The following CFLAR variants were observed in gnomAD, a reference collection of about 807,000 sequenced individuals.
CFLAR encodes the protein CASP8 and FADD-like apoptosis regulator.
CFLAR carries 14 observed loss-of-function variants against 51.1 expected under a neutral mutation model. The observed-to-expected ratio is 0.27, with a 90% CI of 0.18 to 0.43. The LOEUF (loss-of-function observed/expected upper bound fraction) is 0.43, where lower values mean the gene tolerates loss of function less well. CFLAR is among the 20% of genes least tolerant of loss of function. The pLI, the probability that CFLAR is intolerant of heterozygous loss-of-function variation, is 1.00. For missense variants in CFLAR, 390 were observed against 566.5 expected (o/e 0.69, Z 3.16); for synonymous variants, 210 against 211.6 (o/e 0.99, Z 0.06).
At chr2:201,146,848 T>G (rs1311473102) in intron 6 of CFLAR, 1 of 152,250 alleles carries the variant, frequency 6.6e-6, no homozygotes, top group Non-Finnish European at 1.5e-5. Flanking sequence ...TCAGTCTTTG[T>G]GCTATCTGCA....
chr2:201,160,697 G>A lies in CFLAR; in HGVS notation c.1059G>A (p.Lys353=), dbSNP rs1392605982. 1 of 1,614,032 alleles carries A rather than the reference G, an allele frequency of 6.2e-7. No individual in the cohort carries two copies. The highest frequency in any genetic ancestry group is 2.2e-5 in the East Asian group (1 of 44,892). The change falls in exon 9 of 10, where the codon AAG becomes AAA. Residue 353 remains lysine, a synonymous_variant. Coordinates refer to ENST00000309955, the MANE Select transcript of CFLAR (RefSeq NM_003879.7). ...DSCPYLAGKP[K]MFFIQNYVVS... is the part of the protein sequence containing the mutation. ...GCCCTTATCTAGCAGGGAAGCCAAA[G>A]ATGTTTTTTATTCAGAACTATGTGG...
chr2:201,137,867 G>C, intron 4 of CFLAR: 1 of 834,398 alleles, frequency 1.2e-6, no homozygotes, highest in Non-Finnish European at 2.1e-6. Flanking sequence ...AGAAGCACTC[G>C]CCGGGGGCCT....
At chr2:201,130,175 G>T (rs773618778) in intron 2 of CFLAR, 29 bp downstream of exon 2, 2 of 1,387,850 alleles carry the variant, frequency 1.4e-6, no homozygotes, top group Middle Eastern at 2.7e-4. Context: ...CTGAGGCTGG[G>T]TGGGTGGGAG....
intron 8 of CFLAR, among the ~76,000 whole-genome samples, chr2:201,151,543 G>A (rs1941281746): frequency 6.9e-6 from 1 of 145,798 alleles, no homozygotes; most frequent in African/African-American, 2.7e-5. Context: ...TTGGTTAGAT[G>A]TGAGAAAGAT....
intron 1 of CFLAR, among the ~76,000 whole-genome samples, chr2:201,123,809 C>T (rs1358723500): frequency 6.6e-6 from 1 of 152,192 alleles, no homozygotes; most frequent in Non-Finnish European, 1.5e-5. Flanking sequence ...CACAAAACTT[C>T]TGTGAGATGG....
At position 201,166,239 on chromosome 2, in the gene CFLAR, G is replaced by A. The variant is rs1943543161; in HGVS notation, c.*2266G>A. 2 of 142,284 alleles carry A rather than the reference G, an allele frequency of 1.4e-5. No individual in the cohort carries two copies. The highest frequency in any genetic ancestry group is 1.9e-4 in the East Asian group (1 of 5,316). 8.8% of individuals were successfully genotyped at this position (142,284 alleles called of 1,614,324 possible). A position where few individuals can be genotyped will look rare whatever the true frequency, so the allele number is the denominator to read the frequency against. On this transcript the variant is annotated 3_prime_UTR_variant, in exon 10 of 10. Coordinates refer to ENST00000309955, the MANE Select transcript of CFLAR (RefSeq NM_003879.7). ...GACCCCCCACCTCCCTCCCCGACGG[G>A]GCGGCTGGCCGGGCGGGGGCTGACC...
rs1468372497 is a variant in CFLAR at position 201,173,655 on chromosome 2, C to T, written c.*9682C>T. 1 of 139,446 alleles carries T rather than the reference C, an allele frequency of 7.2e-6. No homozygotes were observed. The highest frequency in any genetic ancestry group is 1.5e-5 in the Non-Finnish European group (1 of 67,828). 8.6% of individuals were successfully genotyped at this position (139,446 alleles called of 1,614,324 possible). A position where few individuals can be genotyped will look rare whatever the true frequency, so the allele number is the denominator to read the frequency against. On this transcript the variant is annotated 3_prime_UTR_variant, in exon 10 of 10. Coordinates refer to ENST00000309955, the MANE Select transcript of CFLAR (RefSeq NM_003879.7). ...CTGTGCCTGGCCTCAAGTCCTTTCT[C>T]ATTTTAAAACTGCGTTATTTTATTT...
At chr2:201,156,356 C>A (rs1204457082) in intron 8 of CFLAR, among the ~76,000 whole-genome samples, 1 of 152,220 alleles carries the variant, frequency 6.6e-6, no homozygotes, top group African/African-American at 2.4e-5. Flanking sequence ...GACCTCAGAA[C>A]TCCCTTTTTC....
Position 201,167,212 on chromosome 2 carries a change from C to T in CFLAR, c.*3239C>T, listed in dbSNP as rs912322200. On this transcript the variant is annotated 3_prime_UTR_variant, in exon 10 of 10. Coordinates refer to ENST00000309955, the MANE Select transcript of CFLAR (RefSeq NM_003879.7). ...AACAACAAGCAATTATTCCTACTTT[C>T]CAAGTTATTTTGATGCCATGGTGGC... 6.6e-6 allele frequency: 1 copy of T among 152,064 alleles called. No homozygotes were observed. Among genetic ancestry groups the T allele is most frequent in the African/African-American group, 2.4e-5 (1 of 41,406 alleles). 9.4% of individuals were successfully genotyped at this position (152,064 alleles called of 1,614,324 possible).
Position 201,175,607 on chromosome 2 carries a change from G to C in CFLAR, c.*11634G>C. 1 of 152,306 alleles carries C rather than the reference G, an allele frequency of 6.6e-6. No individual in the cohort carries two copies. Among genetic ancestry groups the C allele is most frequent in the Non-Finnish European group, 1.5e-5 (1 of 68,046 alleles). 9.4% of individuals were successfully genotyped at this position (152,306 alleles called of 1,614,324 possible). On this transcript the variant is annotated 3_prime_UTR_variant, in exon 10 of 10. Transcript: ENST00000309955. ...CCACTGTACTCCAGCCTGGGGAACAGAGTGAGACCCTGTCTCAAAATAAAA... is the reference window on the plus strand; with the variant it reads ...CCACTGTACTCCAGCCTGGGGAACACAGTGAGACCCTGTCTCAAAATAAAA...
At position 201,170,978 on chromosome 2, in the gene CFLAR, C is replaced by T. The variant is rs1943974937; in HGVS notation, c.*7005C>T. 6.6e-6 allele frequency: 1 copy of T among 152,096 alleles called. No homozygotes were observed. Among genetic ancestry groups the T allele is most frequent in the Non-Finnish European group, 1.5e-5 (1 of 68,030 alleles). 9.4% of individuals were successfully genotyped at this position (152,096 alleles called of 1,614,324 possible). ...ATAACCTCACCTAAACACTACTCAG[C>T]CATAAAAAGGAATGAATTAATGACA... On this transcript the variant is annotated 3_prime_UTR_variant, in exon 10 of 10. Transcript: ENST00000309955.
intron 8 of CFLAR, among the ~76,000 whole-genome samples, chr2:201,157,138 C>T (rs573559792): frequency 6.6e-6 from 1 of 152,278 alleles, no homozygotes; most frequent in Non-Finnish European, 1.5e-5. Flanking sequence ...ACAGAAATCT[C>T]ATTGGATCCT....
rs2047794230 is a variant in CFLAR at position 201,118,067 on chromosome 2, C to G, written c.-138+1586C>G. ...ACCATGCCCGGCCCAACTCCAAGAT[C>G]TAAACAAAAAAGACTGGGTTGAAAG... On this transcript the variant is annotated intron_variant, in intron 1 of 9. Coordinates refer to ENST00000309955, the MANE Select transcript of CFLAR (RefSeq NM_003879.7). The surrounding 1 kb of genome is among the most constrained non-coding windows in gnomAD (Gnocchi z 5.1). 6.6e-6 allele frequency among the ~76,000 whole-genome samples: 1 copy of G among 152,156 alleles called. No individual in the cohort carries two copies. The highest frequency in any genetic ancestry group is 6.5e-5 in the Admixed American group (1 of 15,272).
chr2:201,149,840 G>A lies in CFLAR; in HGVS notation c.793+5G>A. 3 of 1,610,068 alleles carry A rather than the reference G, an allele frequency of 1.9e-6. No individual in the cohort carries two copies. Among genetic ancestry groups the A allele is most frequent in the Non-Finnish European group, 2.6e-6 (3 of 1,176,332 alleles). On this transcript the variant is annotated splice_donor_5th_base_variant and intron_variant, in intron 8 of 9. Transcript: ENST00000309955. Reference sequence around the variant, plus strand: ...ATTGCATTGGCAATGAGACAGGTAGGTGTGGAAGCTGCAGATTAACTGGTG... The same window carrying A: ...ATTGCATTGGCAATGAGACAGGTAGATGTGGAAGCTGCAGATTAACTGGTG...
chr2:201,122,894 C>CTCT (rs1303783022), intron 1 of CFLAR: 1 of 152,128 alleles, frequency 6.6e-6, no homozygotes, highest in Non-Finnish European at 1.5e-5. Context: ...GGGGATGATA[C>CTCT]TCTTAGTGCT....
intron 1 of CFLAR, among the ~76,000 whole-genome samples, chr2:201,128,510 C>G (rs549579411): frequency 1.3e-4 from 20 of 152,234 alleles, no homozygotes; most frequent in Admixed American, 6.5e-4. Flanking sequence ...AATTTTTCCT[C>G]TTGTTTTCAT....
At chr2:201,154,174 C>G in intron 8 of CFLAR, 2 of 256,778 alleles carry the variant, frequency 7.8e-6, no homozygotes, top group South Asian at 6.4e-5. Context: ...TCACCGCAAT[C>G]TCCACCTCCC....
intron 1 of CFLAR, among the ~76,000 whole-genome samples, chr2:201,126,804 A>G (rs2048758678): frequency 6.6e-6 from 1 of 152,198 alleles, no homozygotes; most frequent in African/African-American, 2.4e-5. Context: ...TGCCTGGAAT[A>G]TTTCTGTTTC....
At chr2:201,150,734 G>GT (rs1941145834) in intron 8 of CFLAR, among the ~76,000 whole-genome samples, 1 of 152,150 alleles carries the variant, frequency 6.6e-6, no homozygotes, top group Admixed American at 6.5e-5. Context: ...AGGCCTAAAA[G>GT]TGATAATGTG....
Sources: allele counts gnomAD v4.1 joint callset (sites outside exome capture counted in the v4.1 genomes callset), GRCh38; gene constraint gnomAD v4.1.1; non-coding constraint Gnocchi (gnomAD v3.1); transcripts MANE v1.5; gene names NCBI Gene and HGNC (gene_info 2026-07-23, HGNC 2026-07-21).